CDON: variants seen among roughly 807,000 people sequenced by gnomAD.
CDON encodes the protein cell adhesion molecule-related/down-regulated by oncogenes.
In CDON, 73 loss-of-function variants were observed where a neutral mutation model predicts 120.9. That is an observed-to-expected ratio of 0.60 (90% CI 0.50 to 0.73). CDON has a LOEUF of 0.73. Ranked by LOEUF, CDON falls within the 30% of genes least tolerant of loss-of-function variation. The pLI is 0.00. For synonymous variants in CDON, 566 were observed against 573.5 expected, an observed-to-expected ratio of 0.99 and a Z score of 0.19; for missense variants, 1,470 against 1,587.3, an observed-to-expected ratio of 0.93 and a Z score of 1.26.
Position 126,019,621 on chromosome 11 carries a change from G to A in CDON, c.494C>T (p.Thr165Ile). 1 of 1,614,066 alleles carries A rather than the reference G, an allele frequency of 6.2e-7. No individual in the cohort carries two copies. The highest frequency in any genetic ancestry group is 8.5e-7 in the Non-Finnish European group (1 of 1,179,996). Residue 165 changes from threonine to isoleucine, a missense_variant and splice_region_variant, in exon 4 of 20, where the codon ACA becomes ATA. Physicochemically the swap from Thr to Ile is moderately conservative, Grantham distance 89 (BLOSUM62 -1). Coordinates refer to ENST00000531738, the MANE Select transcript of CDON (RefSeq NM_001378964.1). ...KIRGKWLEHSTENYLILPSGN... is the reference protein window; with the variant it reads ...KIRGKWLEHSIENYLILPSGN... ...CGGCTTTTCACAAAAGGTCTCACCT[G>A]TGGAATGTTCCAGCCATTTTCCCCG...
intron 2 of CDON, among the ~76,000 whole-genome samples, chr11:126,022,101 C>CAAAAAAAAAAAAAA (rs56788784): frequency 1.8e-5 from 1 of 56,552 alleles, no homozygotes; most frequent in Non-Finnish European, 3.5e-5. Context: ...GACCCTGCTT[C>CAAAAAAAAAAAAAA]AAAAAAAAAA....
Position 125,958,631 on chromosome 11 carries a change from AT to A in CDON, c.*2310del, listed in dbSNP as rs1040426509. ...TTTATATATTTCAATATATAAAGGC[AT>A]TTTTTATAAATAAAATACAATAAAA... On this transcript the variant is annotated 3_prime_UTR_variant, in exon 20 of 20. Transcript: ENST00000531738. 6.6e-6 allele frequency: 1 copy of A among 150,924 alleles called. No individual in the cohort carries two copies. Among genetic ancestry groups the A allele is most frequent in the Non-Finnish European group, 1.5e-5 (1 of 67,754 alleles). 9.3% of individuals were successfully genotyped at this position (150,924 alleles called of 1,614,324 possible). A position where few individuals can be genotyped will look rare whatever the true frequency, so the allele number is the denominator to read the frequency against.
chr11:125,966,384 T>A (rs149897607), intron 18 of CDON, among the ~76,000 whole-genome samples: 2 of 152,124 alleles, frequency 1.3e-5, no homozygotes, highest in South Asian at 2.1e-4. Flanking sequence ...AAGAGCATGC[T>A]GGGCACAGGC....
chr11:126,052,742 G>A (rs1416026716), intron 1 of CDON, among the ~76,000 whole-genome samples: 1 of 150,982 alleles, frequency 6.6e-6, no homozygotes, highest in East Asian at 1.9e-4. Context: ...AGAATTGCTT[G>A]AACCTGGGAG....
chr11:125,991,563 T>G (rs916403537), intron 14 of CDON, among the ~76,000 whole-genome samples: 1 of 152,180 alleles, frequency 6.6e-6, no homozygotes. Flanking sequence ...ATAGCTTAAT[T>G]GTCCTTCTCT....
chr11:126,028,707 A>ATTT (rs139920425), intron 1 of CDON, among the ~76,000 whole-genome samples: 11 of 145,820 alleles, frequency 7.5e-5, no homozygotes, highest in Admixed American at 2.1e-4. Context: ...AGCTGCGGAG[A>ATTT]ATTTATTTAT....
chr11:126,042,729 C>T (rs1225368134), intron 1 of CDON, among the ~76,000 whole-genome samples: 2 of 152,176 alleles, frequency 1.3e-5, no homozygotes, highest in Non-Finnish European at 1.5e-5. Context: ...TCAAGTGATT[C>T]TCCTGCCTCA....
At chr11:126,043,459 G>A (rs2134852957) in intron 1 of CDON, among the ~76,000 whole-genome samples, 1 of 152,138 alleles carries the variant, frequency 6.6e-6, no homozygotes, top group Non-Finnish European at 1.5e-5. Flanking sequence ...TCTTTGCTTT[G>A]CTGGGCGTTT....
chr11:125,980,529 CAG>C (rs756777198), intron 17 of CDON, among the ~76,000 whole-genome samples: 49 of 152,148 alleles, frequency 3.2e-4, no homozygotes, highest in Non-Finnish European at 6.6e-4. Flanking sequence ...CTTGGATTTA[CAG>C]AGGTTTTGAA....
At chr11:126,056,114 G>A (rs951598271) in intron 1 of CDON, among the ~76,000 whole-genome samples, 3 of 152,176 alleles carry the variant, frequency 2.0e-5, no homozygotes, top group Non-Finnish European at 2.9e-5. Flanking sequence ...TTGCACCCAA[G>A]AAAGAGATTC....
At chr11:126,028,706 GAATT>G (rs1271078170) in intron 1 of CDON, among the ~76,000 whole-genome samples, 1 of 118,860 alleles carries the variant, frequency 8.4e-6, no homozygotes, top group Non-Finnish European at 1.9e-5. Context: ...CAGCTGCGGA[GAATT>G]TATTTATTTA....
chr11:126,005,317 AACAAACAAACAAAC>A (rs1174486421), intron 9 of CDON: 153 of 26,220 alleles, frequency 5.8e-3, no homozygotes, highest in African/African-American at 0.019. Flanking sequence ...AAAAAAAAAA[AACAAACAAACAAAC>A]AAAAAAAAAC....
rs148690188 is a variant in CDON at position 126,012,699 on chromosome 11, G to T, written c.1199-2005C>A. 3.5e-3 allele frequency among the ~76,000 whole-genome samples: 524 copies of T among 151,768 alleles called. 3 individuals carry two copies. Among genetic ancestry groups the T allele is most frequent in the African/African-American group, 0.012 (496 of 41,394 alleles). ...GCTAGGATTACAGGCGTGAGCCACC[G>T]CACCTGGCCAAGGCAACTGATTTTT... is the stretch of plus-strand genomic sequence containing the variant. On this transcript the variant is annotated intron_variant, in intron 7 of 19. Transcript: ENST00000531738.
intron 4 of CDON, among the ~76,000 whole-genome samples, chr11:126,019,280 GA>G (rs1351762010): frequency 2.0e-5 from 3 of 152,098 alleles, no homozygotes; most frequent in Non-Finnish European, 4.4e-5. Context: ...TAAACTAACA[GA>G]AATATGAATA....
At chr11:125,991,280 G>C (rs1311269478) in intron 14 of CDON, among the ~76,000 whole-genome samples, 1 of 152,168 alleles carries the variant, frequency 6.6e-6, no homozygotes, top group Non-Finnish European at 1.5e-5. Context: ...GATCATTGAT[G>C]AATAAGACAA....
At chr11:126,008,300 G>C (rs1947187384) in intron 8 of CDON, among the ~76,000 whole-genome samples, 1 of 152,146 alleles carries the variant, frequency 6.6e-6, no homozygotes, top group South Asian at 2.1e-4. Context: ...CAGGATGCTA[G>C]AATTTCATAA....
At chr11:126,043,575 TA>T (rs1948324483) in intron 1 of CDON, among the ~76,000 whole-genome samples, 1 of 152,198 alleles carries the variant, frequency 6.6e-6, no homozygotes, top group Non-Finnish European at 1.5e-5. Flanking sequence ...GGATAGGTAT[TA>T]TTTCCATTTT....
At chr11:126,020,441 G>C (rs1351861753) in intron 3 of CDON, among the ~76,000 whole-genome samples, 1 of 152,146 alleles carries the variant, frequency 6.6e-6, no homozygotes, top group East Asian at 1.9e-4. Context: ...AGCCTGCAGG[G>C]GACTCTTTAT....
intron 18 of CDON, among the ~76,000 whole-genome samples, chr11:125,975,532 T>A (rs1946127354): frequency 6.6e-6 from 1 of 152,256 alleles, no homozygotes; most frequent in Non-Finnish European, 1.5e-5. Flanking sequence ...AATTTCAATA[T>A]CCTACTATTC....
Sources: allele counts gnomAD v4.1 joint callset (sites outside exome capture counted in the v4.1 genomes callset), GRCh38; gene constraint gnomAD v4.1.1; transcripts MANE v1.5; gene names NCBI Gene and HGNC (gene_info 2026-07-23, HGNC 2026-07-21).